CYFIP1: variants seen among roughly 807,000 people sequenced by gnomAD.
CYFIP1 encodes the protein cytoplasmic FMR1-interacting protein 1.
CYFIP1 carries 58 observed loss-of-function variants against 163.5 expected under a neutral mutation model. The ratio of observed to expected loss-of-function variants is 0.35; its 90% CI spans 0.29 to 0.44. CYFIP1 has a LOEUF of 0.44. CYFIP1 is among the 20% of genes least tolerant of loss of function. CYFIP1 has a pLI of 1.00. For missense variants in CYFIP1, 1,338 were observed against 1,653.8 expected (o/e 0.81, Z 3.31); for synonymous variants, 663 against 660.7 (o/e 1.00, Z -0.05).
chr15:22,916,309 G>A (rs929244339), intron 16 of CYFIP1, among the ~76,000 whole-genome samples, 168 bp downstream of exon 16: 3 of 152,208 alleles, frequency 2.0e-5, no homozygotes, highest in Admixed American at 6.5e-5. Flanking sequence ...CCTGTGGAGC[G>A]AGCTCAGGCC....
intron 30 of CYFIP1, among the ~76,000 whole-genome samples, chr15:22,871,266 G>A (rs984015297): frequency 3.3e-5 from 5 of 152,014 alleles, no homozygotes; most frequent in African/African-American, 7.3e-5. Context: ...GATACTAGAA[G>A]GAAAACACAC....
At chr15:22,978,958 C>T (rs543204527) in intron 1 of CYFIP1, among the ~76,000 whole-genome samples, 7 of 152,162 alleles carry the variant, frequency 4.6e-5, no homozygotes, top group Non-Finnish European at 5.9e-5. Context: ...CTACAGCTCA[C>T]TGAACTGAAC....
rs963818316 is a variant in CYFIP1 at position 22,869,085 on chromosome 15, C to T, written c.*943G>A. The T allele has an allele frequency of 6.6e-6, 1 of 152,210 alleles. No individual in the cohort carries two copies. Among genetic ancestry groups the T allele is most frequent in the African/African-American group, 2.4e-5 (1 of 41,444 alleles). The allele number at this position is 152,210 out of a possible 1,614,324, so 9.4% of individuals were successfully genotyped here. ...TGAACCAGCTCCAGCCATGTGAGCC[C>T]TGTGGATCGGGGACAGCTGAAGGCT... is the stretch of plus-strand genomic sequence containing the variant. On this transcript the variant is annotated 3_prime_UTR_variant, in exon 31 of 31. Coordinates refer to ENST00000617928, the MANE Select transcript of CYFIP1 (RefSeq NM_014608.6).
intron 15 of CYFIP1, chr15:22,916,868 A>T: frequency 6.4e-7 from 1 of 1,552,150 alleles, no homozygotes; most frequent in Non-Finnish European, 8.7e-7. Context: ...CAAGAGAAAC[A>T]AATGATGTCT....
At chr15:22,955,715 C>T (rs1048163323) in intron 1 of CYFIP1, among the ~76,000 whole-genome samples, 17 of 152,272 alleles carry the variant, frequency 1.1e-4, no homozygotes, top group African/African-American at 2.6e-4. Context: ...GGCCAGCCCT[C>T]GCCACACTCC....
Position 22,903,878 on chromosome 15 carries a change from G to A in CYFIP1, c.2416C>T (p.Arg806Cys), listed in dbSNP as rs772329881. 1.4e-5 allele frequency: 22 copies of A among 1,613,990 alleles called. No individual in the cohort carries two copies. The highest frequency in any genetic ancestry group is 3.3e-4 in the Middle Eastern group (2 of 6,084). ...VELDGLLEINRMTHKLLSRYL... is the reference protein window; with the variant it reads ...VELDGLLEINCMTHKLLSRYL... ...CGGCTCAGCAGCTTGTGGGTCATGC[G>A]GTTGATTTCCAACAGGCCATCCAGC... The change falls in exon 22 of 31, where the codon CGC (arginine) becomes TGC (cysteine). Residue 806 changes from arginine to cysteine, a missense_variant. Transcript: ENST00000617928.
Position 22,879,982 on chromosome 15 carries a change from C to A in CYFIP1, c.2973G>T (p.Thr991=). 6.2e-7 allele frequency: 1 copy of A among 1,613,964 alleles called. No individual in the cohort carries two copies. The highest frequency in any genetic ancestry group is 2.2e-5 in the East Asian group (1 of 44,864). Residue 991 remains threonine (T), a synonymous_variant, in exon 26 of 31, where the codon ACG becomes ACT. Transcript: ENST00000617928. ...KDIVEYAELK[T]VCFQNLREVG... Reference sequence around the variant, plus strand: ...CCTCCCGCAGGTTCTGGAAGCACACCGTCTTCAGCTCTGCGTACTCCACGA... The same window carrying A: ...CCTCCCGCAGGTTCTGGAAGCACACAGTCTTCAGCTCTGCGTACTCCACGA...
intron 1 of CYFIP1, among the ~76,000 whole-genome samples, chr15:22,964,353 T>TCTCACACACACACACA: frequency 1.3e-5 from 1 of 78,752 alleles, no homozygotes; most frequent in African/African-American, 5.0e-5. Flanking sequence ...ACCTCATCAC[T>TCTCACACACACACACA]CACACACACA....
intron 24 of CYFIP1, 89 bp from the exon 25 acceptor site, chr15:22,882,025 T>A: frequency 8.8e-7 from 1 of 1,135,668 alleles, no homozygotes; most frequent in Non-Finnish European, 1.3e-6. Context: ...ACAAGTCTGT[T>A]AGCAAAGAGC....
At chr15:22,888,679 C>A (rs1486774780) in intron 23 of CYFIP1, among the ~76,000 whole-genome samples, 1 of 149,272 alleles carries the variant, frequency 6.7e-6, no homozygotes, top group African/African-American at 2.5e-5. Flanking sequence ...TTTCAGTGAA[C>A]TGTGATTGCG....
chr15:22,925,438 C>T (rs540716639), intron 13 of CYFIP1, among the ~76,000 whole-genome samples: 7 of 152,174 alleles, frequency 4.6e-5, no homozygotes, highest in Admixed American at 1.3e-4. Flanking sequence ...GAGGGTTGGA[C>T]GGAATTGTTT....
intron 1 of CYFIP1, among the ~76,000 whole-genome samples, chr15:22,961,657 AG>A (rs1215631852): frequency 2.0e-5 from 3 of 152,124 alleles, no homozygotes; most frequent in African/African-American, 7.2e-5. Context: ...CTGAAATTAC[AG>A]GAACGAGCCA....
At chr15:22,872,043 T>G (rs2141819265) in intron 30 of CYFIP1, among the ~76,000 whole-genome samples, 1 of 152,198 alleles carries the variant, frequency 6.6e-6, no homozygotes, top group Non-Finnish European at 1.5e-5. Context: ...CCTAGCACTT[T>G]GGGAGGTGGG....
At chr15:22,918,018 C>A in intron 14 of CYFIP1, 83 bp from the exon 15 acceptor site, 1 of 1,485,748 alleles carries the variant, frequency 6.7e-7, no homozygotes, top group South Asian at 1.3e-5. Context: ...CACCCAACTA[C>A]AAGGCTCTCA....
rs1171205086 is a variant in CYFIP1 at position 22,917,665 on chromosome 15, T to C, written c.1674+123A>G. ...GAGCAGCAGAAACCACAGGCGCCACTTTCTCTGCCTGAGCAGGCAGCGAGG... is the reference window on the plus strand; with the variant it reads ...GAGCAGCAGAAACCACAGGCGCCACCTTCTCTGCCTGAGCAGGCAGCGAGG... On this transcript the variant is annotated intron_variant, in intron 15 of 30. Transcript: ENST00000617928. The surrounding 1 kb of genome is among the most constrained non-coding windows in gnomAD (Gnocchi z 4.2). The C allele has an allele frequency of 8.2e-7, 1 of 1,226,828 alleles. No individual in the cohort carries two copies. The allele number at this position is 1,226,828 out of a possible 1,614,324, so 76.0% of individuals were successfully genotyped here.
chr15:22,950,851 C>G (rs1293031360), intron 1 of CYFIP1, among the ~76,000 whole-genome samples: 4 of 152,220 alleles, frequency 2.6e-5, no homozygotes, highest in Admixed American at 6.5e-5. Context: ...GCAATGCCTG[C>G]GCCGCCCATC....
intron 18 of CYFIP1, 26 bp downstream of exon 18, chr15:22,912,153 C>A: frequency 1.3e-6 from 2 of 1,569,000 alleles, no homozygotes; most frequent in Non-Finnish European, 1.7e-6. Flanking sequence ...AGGAAATGAA[C>A]AGAAATGGAG....
At chr15:22,905,537 CA>C in intron 21 of CYFIP1, 1 of 145,608 alleles carries the variant, frequency 6.9e-6, no homozygotes, top group South Asian at 2.2e-4. Context: ...CTCCTGGGTT[CA>C]AGCGATTCCC....
At position 22,928,045 on chromosome 15, in the gene CYFIP1, C is replaced by T. The variant is rs766764753; in HGVS notation, c.1111-17G>A. On this transcript the variant is annotated splice_polypyrimidine_tract_variant and intron_variant, in intron 11 of 30. Coordinates refer to ENST00000617928, the MANE Select transcript of CYFIP1 (RefSeq NM_014608.6). ...CGTGACCACCTGCACAAGGCGGGCACGGCCCCGTGAGAAACCAGCGCCCCC... is the reference window on the plus strand; with the variant it reads ...CGTGACCACCTGCACAAGGCGGGCATGGCCCCGTGAGAAACCAGCGCCCCC... 9 of 1,501,038 alleles carry T rather than the reference C, an allele frequency of 6.0e-6. No homozygotes were observed. The African/African-American group carries it at 7.1e-5, about 12-fold the overall frequency. 93.0% of individuals were successfully genotyped at this position (1,501,038 alleles called of 1,614,324 possible).
Sources: gnomAD v4.1 joint callset for allele counts (sites outside exome capture counted in the v4.1 genomes callset) on GRCh38, gnomAD v4.1.1 for gene constraint, Gnocchi (gnomAD v3.1) non-coding constraint, MANE v1.5 for transcripts, NCBI Gene and HGNC (gene_info 2026-07-23, HGNC 2026-07-21) for gene names.